ERH: variants seen among roughly 807,000 people sequenced by gnomAD.
The protein encoded by ERH is ERH mRNA splicing and mitosis factor, also known as enhancer of rudimentary homolog.
Under a neutral mutation model 16.8 loss-of-function variants are expected in ERH, and 1 was observed. The observed-to-expected ratio is 0.06, with a 90% CI of 0.02 to 0.28. The LOEUF is 0.28. ERH is among the 10% of genes least tolerant of loss of function. The probability of loss-of-function intolerance (pLI) is 1.00; values close to 1 mark genes in which losing one functional copy is unlikely to be tolerated. For missense variants in ERH, 42 were observed against 127.5 expected (o/e 0.33, Z 3.23); for synonymous variants, 43 against 43.6 (o/e 0.99, Z 0.05).
At chr14:69,391,633 G>A (rs1486366235) in intron 2 of ERH, among the ~76,000 whole-genome samples, 1 of 108,986 alleles carries the variant, frequency 9.2e-6, no homozygotes, top group East Asian at 3.1e-4. Flanking sequence ...GGGTGACAGA[G>A]TAAGACTCTG....
At chr14:69,391,926 A>G (rs2140233159) in intron 2 of ERH, among the ~76,000 whole-genome samples, 1 of 152,304 alleles carries the variant, frequency 6.6e-6, no homozygotes, top group African/African-American at 2.4e-5. Flanking sequence ...CAACACATAC[A>G]GTAAACCCTA....
chr14:69,392,614 A>G (rs919024223), intron 2 of ERH, among the ~76,000 whole-genome samples: 1 of 152,232 alleles, frequency 6.6e-6, no homozygotes, highest in Admixed American at 6.5e-5. Context: ...GACACATGAC[A>G]CTGCGCATTT....
At chr14:69,383,416 C>A (rs1173665094) in intron 3 of ERH, among the ~76,000 whole-genome samples, 1 of 152,140 alleles carries the variant, frequency 6.6e-6, no homozygotes, top group Admixed American at 6.5e-5. Flanking sequence ...AAAAACGGAC[C>A]CAGTCTCTGG....
chr14:69,398,083 C>G lies in ERH; in HGVS notation c.3+148G>C, dbSNP rs529848616. On this transcript the variant is annotated intron_variant, in intron 1 of 3. Transcript: ENST00000557016. Reference sequence around the variant, plus strand: ...AGAGTCAGGCCTGGCGTCCCTGCGGCGGGAAGAAGGGTCAATCCACCGACT... The same window carrying G: ...AGAGTCAGGCCTGGCGTCCCTGCGGGGGGAAGAAGGGTCAATCCACCGACT... The G allele has an allele frequency of 3.9e-6, 4 of 1,032,424 alleles. No individual in the cohort carries two copies. The East Asian group carries it at 1.0e-4, about 27-fold the overall frequency. The allele number at this position is 1,032,424 out of a possible 1,614,324, so 64.0% of individuals were successfully genotyped here. A position where few individuals can be genotyped will look rare whatever the true frequency, so the allele number is the denominator to read the frequency against.
At position 69,397,958 on chromosome 14, in the gene ERH, G is replaced by A. The variant is rs1882401494; in HGVS notation, c.3+273C>T. On this transcript the variant is annotated intron_variant, in intron 1 of 3. Transcript: ENST00000557016. ...CCTCCCCCACGTCTCCCTCTACCGA[G>A]TAACAATCGGGAGAGAGTTCATCCT... 1.0e-4 allele frequency: 61 copies of A among 589,944 alleles called. No homozygotes were observed. The South Asian group carries it at 1.1e-3, about 11-fold the overall frequency. The allele number at this position is 589,944 out of a possible 1,614,324, so 36.5% of individuals were successfully genotyped here.
intron 1 of ERH, 174 bp downstream of exon 1, chr14:69,398,057 T>G (rs1882407182): frequency 1.2e-6 from 1 of 837,172 alleles, no homozygotes; most frequent in African/African-American, 1.7e-5. Context: ...CTCCGAGGCC[T>G]AGAGTCAGGC....
intron 2 of ERH, among the ~76,000 whole-genome samples, chr14:69,391,865 A>G (rs1470045346): frequency 6.6e-6 from 1 of 152,092 alleles, no homozygotes; most frequent in East Asian, 1.9e-4. Flanking sequence ...TCTGTATGAT[A>G]CAGTAAAGGT....
Position 69,392,469 on chromosome 14 carries a change from A to G in ERH, c.91+2356T>C, listed in dbSNP as rs184592798. On this transcript the variant is annotated intron_variant, in intron 2 of 3. Transcript: ENST00000557016. ...CCAACTATATGACATTCTGGAAAAG[A>G]CAAAACTATGGAGACAGTAAAAAGA... Among the ~76,000 whole-genome samples the G allele has an allele frequency of 2.5e-3, 382 of 152,346 alleles. 3 individuals are homozygous for G. The highest frequency in any genetic ancestry group is 8.9e-3 in the African/African-American group (368 of 41,570).
chr14:69,381,629 C>T (rs1194951860), intron 3 of ERH, among the ~76,000 whole-genome samples: 1 of 152,042 alleles, frequency 6.6e-6, no homozygotes, highest in Non-Finnish European at 1.5e-5. Flanking sequence ...TCTGAATTAA[C>T]TCATTTTTAC....
chr14:69,388,819 T>C (rs1345119391), intron 2 of ERH, among the ~76,000 whole-genome samples: 1 of 152,238 alleles, frequency 6.6e-6, no homozygotes, highest in Non-Finnish European at 1.5e-5. Context: ...AAGCCTTTTA[T>C]TAGCTCCAAA....
chr14:69,389,341 T>C (rs1030276026), intron 2 of ERH, among the ~76,000 whole-genome samples: 1 of 152,326 alleles, frequency 6.6e-6, no homozygotes, highest in African/African-American at 2.4e-5. Flanking sequence ...TTATACTTAA[T>C]GGTTAAAGAC....
Position 69,380,586 on chromosome 14 carries a change from C to T in ERH, c.267G>A (p.Glu89=). The T allele has an allele frequency of 6.3e-7, 1 of 1,576,570 alleles. No homozygotes were observed. Among genetic ancestry groups the T allele is most frequent in the South Asian group, 1.1e-5 (1 of 89,674 alleles). ...GCCGACGAAGGAGCACGTAGATCTT[C>T]TCTTTAATCCAGTCTTTGTTATAAG... The part of the protein sequence containing the change: ...YQPYNKDWIK[E]KIYVLLRRQA... The change falls in exon 4 of 4, where the codon GAG becomes GAA. Residue 89 remains glutamate (E), a synonymous_variant. Transcript: ENST00000557016.
In ERH at chr14:69,380,151, T is replaced by G. The variant is rs554305637; in HGVS notation, c.*387A>C. ...AATATAACTAAAGGACATTTATTTATTTTTACCAAGACTTTATCTTGAGGA... is the reference window on the plus strand; with the variant it reads ...AATATAACTAAAGGACATTTATTTAGTTTTACCAAGACTTTATCTTGAGGA... On this transcript the variant is annotated 3_prime_UTR_variant, in exon 4 of 4. Coordinates refer to ENST00000557016, the MANE Select transcript of ERH (RefSeq NM_004450.3). The G allele has an allele frequency of 1.0e-4, 16 of 159,870 alleles. No homozygotes were observed. The highest frequency in any genetic ancestry group is 3.8e-4 in the African/African-American group (16 of 41,790). 9.9% of individuals were successfully genotyped at this position (159,870 alleles called of 1,614,324 possible). A position where few individuals can be genotyped will look rare whatever the true frequency, so the allele number is the denominator to read the frequency against.
rs774519236 is a variant in ERH at position 69,386,992 on chromosome 14, G to A, written c.183C>T (p.Ile61=). The A allele has an allele frequency of 3.7e-6, 6 of 1,613,470 alleles. No individual in the cohort carries two copies. The highest frequency in any genetic ancestry group is 1.7e-5 in the Admixed American group (1 of 59,986). ...TYDISQLFDF[I]DDLADLSCLV... The stretch of plus-strand genomic sequence containing the variant: ...GGCAGCTGAGGTCTGCCAGATCATC[G>A]ATGAAATCAAACAACTGACTGATGT... The change falls in exon 3 of 4, where the codon ATC becomes ATT. Residue 61 remains isoleucine (I), a synonymous_variant. Coordinates refer to ENST00000557016, the MANE Select transcript of ERH (RefSeq NM_004450.3).
intron 3 of ERH, among the ~76,000 whole-genome samples, chr14:69,384,779 G>A (rs757089700): frequency 6.6e-6 from 1 of 152,180 alleles, no homozygotes; most frequent in Non-Finnish European, 1.5e-5. Context: ...AGATGCAGCA[G>A]TGAACAAACA....
intron 3 of ERH, among the ~76,000 whole-genome samples, chr14:69,383,318 C>T (rs1198406232): frequency 6.6e-6 from 1 of 152,162 alleles, no homozygotes; most frequent in African/African-American, 2.4e-5. Flanking sequence ...TCCACCTACG[C>T]TGTTTAAAAA....
Position 69,380,236 on chromosome 14 carries a change from G to A in ERH, c.*302C>T, listed in dbSNP as rs2604305. On this transcript the variant is annotated 3_prime_UTR_variant, in exon 4 of 4. Transcript: ENST00000557016. ...CTTGAAGAAGGGTTAGTATGTGAAT[G>A]TTATAAAGTAGATATGAACAGTTGA... 4.0e-6 allele frequency: 1 copy of A among 251,038 alleles called. No homozygotes were observed. The highest frequency in any genetic ancestry group is 7.5e-6 in the Non-Finnish European group (1 of 133,190). The allele number at this position is 251,038 out of a possible 1,614,324, so 15.6% of individuals were successfully genotyped here.
intron 3 of ERH, among the ~76,000 whole-genome samples, chr14:69,385,916 C>T (rs964482945): frequency 3.3e-5 from 5 of 152,212 alleles, no homozygotes; most frequent in Non-Finnish European, 7.3e-5. Context: ...TCCTAAGACA[C>T]TCTCCTTCAC....
At chr14:69,382,299 T>C (rs2045867581) in intron 3 of ERH, among the ~76,000 whole-genome samples, 1 of 152,250 alleles carries the variant, frequency 6.6e-6, no homozygotes. Context: ...TAATTTTTTC[T>C]GAAAACTCTT....
Sources: gnomAD v4.1 joint callset for allele counts (sites outside exome capture counted in the v4.1 genomes callset) on GRCh38, gnomAD v4.1.1 for gene constraint, MANE v1.5 for transcripts, NCBI Gene and HGNC (gene_info 2026-07-23, HGNC 2026-07-21) for gene names.